The following SCN1A variants were observed in gnomAD, a reference collection of about 807,000 sequenced individuals.
SCN1A encodes sodium channel protein type 1 subunit alpha.
Under a neutral mutation model 193.7 loss-of-function variants are expected in SCN1A, and 13 were observed. The ratio of observed to expected loss-of-function variants is 0.07; its 90% CI spans 0.04 to 0.11. The LOEUF is 0.11. SCN1A is among the 10% of genes least tolerant of loss of function. SCN1A has a pLI of 1.00. For missense variants in SCN1A, 1,432 were observed against 2,451.1 expected (o/e 0.58, Z 8.78); for synonymous variants, 781 against 843.6 (o/e 0.93, Z 1.29).
chr2:166,022,868 T>G (rs1009233049), intron 19 of SCN1A, among the ~76,000 whole-genome samples: 1 of 152,192 alleles, frequency 6.6e-6, no homozygotes, highest in Non-Finnish European at 1.5e-5. Context: ...ACCAATCAGG[T>G]AAACTTGACA....
chr2:166,046,686 G>T, intron 12 of SCN1A, 84 bp downstream of exon 12: 1 of 1,302,904 alleles, frequency 7.7e-7, no homozygotes, highest in Non-Finnish European at 1.1e-6. Context: ...ACAACCACCT[G>T]CTCTTAGGTA....
intron 19 of SCN1A, among the ~76,000 whole-genome samples, chr2:166,034,387 C>T (rs116626909): frequency 3.4e-4 from 52 of 152,332 alleles, no homozygotes; most frequent in African/African-American, 1.2e-3. Flanking sequence ...AAGAATGTCA[C>T]ATACCTGTGG....
intron 25 of SCN1A, 152 bp downstream of exon 25, chr2:165,999,571 C>G: frequency 1.5e-6 from 1 of 645,668 alleles, no homozygotes; most frequent in East Asian, 2.7e-5. Flanking sequence ...TTCTGATAAA[C>G]ATTGCTATGC....
intron 19 of SCN1A, among the ~76,000 whole-genome samples, chr2:166,032,575 GA>G: frequency 6.6e-6 from 1 of 152,072 alleles, no homozygotes; most frequent in Non-Finnish European, 1.5e-5. Context: ...AAGAAGAAAG[GA>G]ATTGTGAAGT....
intron 2 of SCN1A, among the ~76,000 whole-genome samples, chr2:166,103,589 AT>A (rs1266218184): frequency 6.6e-6 from 1 of 152,118 alleles, no homozygotes; most frequent in East Asian, 1.9e-4. Context: ...AGGGGGAAAA[AT>A]GTTAAGAGAA....
rs142190094 is a variant in SCN1A at position 166,083,126 on chromosome 2, A to T, written c.-141-5325T>A. Among the ~76,000 whole-genome samples, 1,236 of 152,230 alleles carry T rather than the reference A, an allele frequency of 8.1e-3. 19 individuals carry two copies. Among genetic ancestry groups the T allele is most frequent in the African/African-American group, 0.028 (1,181 of 41,564 alleles). Reference sequence around the variant, plus strand: ...AGCCAAGAAAGAAATTGGTTTTTACATAGAAATCCCAAACCTAGAAAGTAT... The same window carrying T: ...AGCCAAGAAAGAAATTGGTTTTTACTTAGAAATCCCAAACCTAGAAAGTAT... On this transcript the variant is annotated intron_variant, in intron 2 of 28. Coordinates refer to ENST00000674923, the MANE Select transcript of SCN1A (RefSeq NM_001165963.4).
intron 19 of SCN1A, chr2:166,015,931 T>C (rs1013499314): frequency 2.4e-5 from 14 of 574,362 alleles, no homozygotes; most frequent in Non-Finnish European, 3.9e-5. Flanking sequence ...CAATGTAAGC[T>C]TGAAATCAGA....
At chr2:166,077,584 A>G (rs1330253071) in intron 3 of SCN1A, 126 bp downstream of exon 3, 4 of 152,018 alleles carry the variant, frequency 2.6e-5, no homozygotes, top group African/African-American at 7.2e-5. Flanking sequence ...TGATGAGGAT[A>G]TGGAGCAATA....
At chr2:166,120,949 G>A (rs1690516001) in intron 2 of SCN1A, among the ~76,000 whole-genome samples, 1 of 151,418 alleles carries the variant, frequency 6.6e-6, no homozygotes, top group Admixed American at 6.6e-5. Context: ...ATTTTGTTTG[G>A]GTTGAATTAG....
At chr2:166,019,954 A>G (rs951512047) in intron 19 of SCN1A, among the ~76,000 whole-genome samples, 9 of 144,086 alleles carry the variant, frequency 6.2e-5, no homozygotes, top group Non-Finnish European at 1.0e-4. Context: ...TCTGTCGTCC[A>G]CGCTGGAGTG....
At chr2:166,102,352 C>T (rs1220912807) in intron 2 of SCN1A, among the ~76,000 whole-genome samples, 1 of 151,608 alleles carries the variant, frequency 6.6e-6, no homozygotes, top group East Asian at 1.9e-4. Flanking sequence ...AAAAATTAGC[C>T]GGGTGTGGTG....
intron 2 of SCN1A, among the ~76,000 whole-genome samples, chr2:166,121,118 G>GA (rs11299049): frequency 0.026 from 2,540 of 96,542 alleles, 30 homozygotes; most frequent in Non-Finnish European, 0.041. Flanking sequence ...GGAAAAAAAA[G>GA]AAAAAAAAAA....
intron 2 of SCN1A, among the ~76,000 whole-genome samples, chr2:166,120,422 A>G (rs1690417256): frequency 1.3e-5 from 2 of 150,874 alleles, no homozygotes; most frequent in African/African-American, 4.9e-5. Context: ...TTTGTAAGGT[A>G]CTTTTTAATA....
intron 2 of SCN1A, among the ~76,000 whole-genome samples, chr2:166,092,075 C>A (rs573507135): frequency 1.1e-3 from 166 of 152,076 alleles, no homozygotes; most frequent in African/African-American, 4.0e-3. Context: ...TCTTTAAAAT[C>A]CAAGAATGTA....
At chr2:166,025,047 T>C (rs1694570468) in intron 19 of SCN1A, among the ~76,000 whole-genome samples, 1 of 152,234 alleles carries the variant, frequency 6.6e-6, no homozygotes, top group Non-Finnish European at 1.5e-5. Flanking sequence ...CTAACAAGGA[T>C]TATTTGCCAA....
chr2:166,084,625 T>TGGGGGTTGGGAGGAA (rs1404992496), intron 2 of SCN1A, among the ~76,000 whole-genome samples: 1 of 152,124 alleles, frequency 6.6e-6, no homozygotes, highest in Non-Finnish European at 1.5e-5. Flanking sequence ...AAATGCTGGT[T>TGGGGGTTGGGAGGAA]GGGGGTTGGG....
intron 19 of SCN1A, among the ~76,000 whole-genome samples, chr2:166,035,699 G>T (rs1316845529): frequency 6.6e-6 from 1 of 152,114 alleles, no homozygotes; most frequent in Non-Finnish European, 1.5e-5. Context: ...AGGAAAGCAT[G>T]ATTTATAATA....
intron 2 of SCN1A, among the ~76,000 whole-genome samples, chr2:166,108,397 G>C (rs1688930151): frequency 6.6e-6 from 1 of 152,014 alleles, no homozygotes; most frequent in African/African-American, 2.4e-5. Flanking sequence ...AAATACACTG[G>C]CAGTGTCTTA....
intron 19 of SCN1A, among the ~76,000 whole-genome samples, chr2:166,019,045 A>G (rs753672818): frequency 6.6e-6 from 1 of 152,172 alleles, no homozygotes; most frequent in Admixed American, 6.5e-5. Context: ...AACTGGGACC[A>G]TGGGTGGGCT....
Sources: gnomAD v4.1 joint callset for allele counts (sites outside exome capture counted in the v4.1 genomes callset) on GRCh38, gnomAD v4.1.1 for gene constraint, MANE v1.5 for transcripts, NCBI Gene and HGNC (gene_info 2026-07-23, HGNC 2026-07-21) for gene names.